MAN2A1: variants seen among roughly 807,000 people sequenced by gnomAD.
MAN2A1 encodes mannosidase alpha class 2A member 1, also known as alpha-mannosidase 2.
Under a neutral mutation model 142.6 loss-of-function variants are expected in MAN2A1, and 76 were observed. The ratio of observed to expected loss-of-function variants is 0.53; its 90% CI spans 0.44 to 0.65. The LOEUF is 0.65. Among genes scored for constraint, MAN2A1 ranks in the 30% least tolerant of loss-of-function variants. The pLI, the probability that MAN2A1 is intolerant of heterozygous loss-of-function variation, is 0.00. For synonymous variants in MAN2A1, 559 were observed against 473.2 expected (o/e 1.18, Z -2.35); for missense variants, 1,311 against 1,365.1 (o/e 0.96, Z 0.62).
chr5:109,850,229 C>T (rs1034522533), intron 19 of MAN2A1, among the ~76,000 whole-genome samples: 6 of 152,124 alleles, frequency 3.9e-5, no homozygotes, highest in Non-Finnish European at 5.9e-5. Flanking sequence ...GAATGAATAT[C>T]GAAATGCATA....
At chr5:109,696,215 C>T (rs747618952) in intron 1 of MAN2A1, among the ~76,000 whole-genome samples, 5 of 152,064 alleles carry the variant, frequency 3.3e-5, no homozygotes, top group African/African-American at 4.8e-5. Context: ...ATTCTCCTGC[C>T]TCAGCCTCCC....
intron 19 of MAN2A1, among the ~76,000 whole-genome samples, chr5:109,849,990 G>A (rs1427031242): frequency 6.6e-6 from 1 of 152,134 alleles, no homozygotes; most frequent in African/African-American, 2.4e-5. Context: ...AGAGACTCTT[G>A]GTGATAGTTC....
intron 16 of MAN2A1, among the ~76,000 whole-genome samples, chr5:109,828,104 C>CAA (rs751087391): frequency 1.1e-5 from 1 of 92,792 alleles, no homozygotes; most frequent in African/African-American, 3.6e-5. Flanking sequence ...GACTCTGTCT[C>CAA]AAAAAAAAAA....
intron 16 of MAN2A1, among the ~76,000 whole-genome samples, chr5:109,832,082 C>G (rs1302079952): frequency 7.3e-6 from 1 of 136,886 alleles, no homozygotes; most frequent in Non-Finnish European, 1.5e-5. Flanking sequence ...TGATTTTATT[C>G]TTAATTTTTA....
chr5:109,852,149 A>C (rs1238266779), intron 19 of MAN2A1, among the ~76,000 whole-genome samples: 6 of 151,920 alleles, frequency 3.9e-5, no homozygotes, highest in East Asian at 3.9e-4. Context: ...AAAAACAAAA[A>C]AAAAAAAACA....
intron 19 of MAN2A1, chr5:109,854,586 A>G (rs1011253950): frequency 6.6e-6 from 1 of 152,228 alleles, no homozygotes; most frequent in East Asian, 1.9e-4. Context: ...TAAAAATTGG[A>G]TTTATTTTGA....
intron 5 of MAN2A1, among the ~76,000 whole-genome samples, chr5:109,764,435 C>G (rs1486083648): frequency 2.6e-5 from 4 of 152,100 alleles, no homozygotes; most frequent in Non-Finnish European, 5.9e-5. Context: ...AATGTGCCCT[C>G]TTTATAAAAT....
intron 19 of MAN2A1, among the ~76,000 whole-genome samples, chr5:109,850,340 C>A (rs1755453527): frequency 6.6e-6 from 1 of 152,116 alleles, no homozygotes; most frequent in Admixed American, 6.5e-5. Flanking sequence ...TACTAGATTC[C>A]AGGGACTTGT....
rs1006159532 is a variant in MAN2A1 at position 109,799,306 on chromosome 5, C to T, written c.1943+9779C>T. On this transcript the variant is annotated intron_variant, in intron 12 of 21. Coordinates refer to ENST00000261483, the MANE Select transcript of MAN2A1 (RefSeq NM_002372.4). ...CTTGTGTGCCTGTATTTTTGTCTCTCGCATCATCTCTTGCATCAGCTCAGT... is the reference window on the plus strand; with the variant it reads ...CTTGTGTGCCTGTATTTTTGTCTCTTGCATCATCTCTTGCATCAGCTCAGT... 1.8e-4 allele frequency among the ~76,000 whole-genome samples: 28 copies of T among 152,292 alleles called. 1 individual carries two copies. In the South Asian group the frequency reaches 4.1e-3, roughly 23 times the overall value.
intron 12 of MAN2A1, among the ~76,000 whole-genome samples, chr5:109,815,723 C>T (rs192005838): frequency 3.2e-4 from 48 of 151,992 alleles, no homozygotes; most frequent in Non-Finnish European, 5.6e-4. Flanking sequence ...TCTTAATGAA[C>T]ACTTTGTAAT....
chr5:109,827,960 C>G (rs903774149), intron 16 of MAN2A1, among the ~76,000 whole-genome samples: 2 of 152,082 alleles, frequency 1.3e-5, no homozygotes, highest in African/African-American at 4.8e-5. Flanking sequence ...AAAAAGTTAG[C>G]TGGGTTTGGT....
At chr5:109,720,555 C>G (rs1049673240) in intron 3 of MAN2A1, among the ~76,000 whole-genome samples, 3 of 152,090 alleles carry the variant, frequency 2.0e-5, no homozygotes, top group African/African-American at 7.2e-5. Context: ...TAGTTCTGGT[C>G]AGTCATAGTT....
intron 3 of MAN2A1, among the ~76,000 whole-genome samples, chr5:109,728,662 T>G (rs1751815224): frequency 6.6e-6 from 1 of 152,222 alleles, no homozygotes; most frequent in Non-Finnish European, 1.5e-5. Flanking sequence ...ACTGTCAACA[T>G]CTACAGTTCT....
chr5:109,751,436 T>A (rs1400072227), intron 4 of MAN2A1, among the ~76,000 whole-genome samples: 1 of 152,160 alleles, frequency 6.6e-6, no homozygotes. Flanking sequence ...TCTTTGGTGT[T>A]GTGAATAGTG....
At chr5:109,778,461 T>C (rs1037606857) in intron 8 of MAN2A1, among the ~76,000 whole-genome samples, 13 of 152,114 alleles carry the variant, frequency 8.5e-5, no homozygotes, top group African/African-American at 3.1e-4. Flanking sequence ...TCGTTAGTCA[T>C]AATGTTTGCT....
Position 109,690,567 on chromosome 5 carries a change from A to AGG in MAN2A1, c.135+19_135+20dup. 6.3e-7 allele frequency: 1 copy of AGG among 1,582,902 alleles called. No homozygotes were observed. The highest frequency in any genetic ancestry group is 8.6e-7 in the Non-Finnish European group (1 of 1,164,844). On this transcript the variant is annotated intron_variant, in intron 1 of 21. Transcript: ENST00000261483. ...CCTTCCCTCAGGTAAGCACCTGGGA[A>AGG]GGGGGCGCGGGGCTCCGAGGGGCCA...
intron 5 of MAN2A1, among the ~76,000 whole-genome samples, chr5:109,763,322 A>T (rs2112639564): frequency 6.6e-6 from 1 of 152,278 alleles, no homozygotes; most frequent in South Asian, 2.1e-4. Flanking sequence ...AGTGAGACTC[A>T]CTACATGTTC....
At chr5:109,826,390 C>T (rs904723990) in intron 16 of MAN2A1, among the ~76,000 whole-genome samples, 1 of 152,026 alleles carries the variant, frequency 6.6e-6, no homozygotes. Context: ...ATAAACTGGA[C>T]GTAACCTGTA....
intron 12 of MAN2A1, among the ~76,000 whole-genome samples, chr5:109,816,719 A>G (rs189300257): frequency 6.6e-6 from 1 of 152,190 alleles, no homozygotes; most frequent in Non-Finnish European, 1.5e-5. Flanking sequence ...TATTAGTTGT[A>G]TGGAGCTCAT....
Sources: allele counts gnomAD v4.1 joint callset (sites outside exome capture counted in the v4.1 genomes callset), GRCh38; gene constraint gnomAD v4.1.1; transcripts MANE v1.5; gene names NCBI Gene and HGNC (gene_info 2026-07-23, HGNC 2026-07-21).